WDPCP: variants seen among roughly 807,000 people sequenced by gnomAD.
The protein encoded by WDPCP is WD repeat containing planar cell polarity effector.
WDPCP carries 71 observed loss-of-function variants against 93.1 expected under a neutral mutation model. The ratio of observed to expected loss-of-function variants is 0.76; its 90% CI spans 0.63 to 0.93. The LOEUF (loss-of-function observed/expected upper bound fraction) is 0.93, where lower values mean the gene tolerates loss of function less well. Ranked by LOEUF, WDPCP falls within the 40% of genes least tolerant of loss-of-function variation. WDPCP has a pLI of 0.00. For missense variants in WDPCP, 844 were observed against 887.4 expected, an observed-to-expected ratio of 0.95 and a Z score of 0.62; for synonymous variants, 315 against 315.0, an observed-to-expected ratio of 1.00 and a Z score of 0.00.
intron 1 of WDPCP, among the ~76,000 whole-genome samples, chr2:63,547,816 G>A (rs1705268143): frequency 6.6e-6 from 1 of 151,802 alleles, no homozygotes; most frequent in South Asian, 2.1e-4. Context: ...CTGGGAAGGT[G>A]GGGTGGGGGA....
intron 6 of WDPCP, chr2:63,442,486 G>A (rs898322161): frequency 9.2e-5 from 14 of 152,006 alleles, no homozygotes; most frequent in Non-Finnish European, 1.8e-4. Context: ...CCTCCATGAC[G>A]TTCATCCCTT....
chr2:63,311,603 A>G (rs1444398060), intron 13 of WDPCP, among the ~76,000 whole-genome samples: 2 of 152,180 alleles, frequency 1.3e-5, no homozygotes, highest in African/African-American at 4.8e-5. Flanking sequence ...CCCTTATTTT[A>G]GATTTTCATC....
intron 2 of WDPCP, among the ~76,000 whole-genome samples, chr2:63,708,562 C>T (rs1160548750): frequency 2.6e-5 from 4 of 152,146 alleles, no homozygotes; most frequent in African/African-American, 9.7e-5. Flanking sequence ...ATTCCCTCAC[C>T]CCTTGCGCTT....
At chr2:63,827,328 T>C (rs565495958) in intron 1 of WDPCP, among the ~76,000 whole-genome samples, 2 of 152,276 alleles carry the variant, frequency 1.3e-5, no homozygotes, top group East Asian at 3.9e-4. Flanking sequence ...CTTTTCTCTT[T>C]GTTTTTCTTA....
chr2:63,248,336 C>A (rs1332541575), intron 14 of WDPCP, among the ~76,000 whole-genome samples: 1 of 152,096 alleles, frequency 6.6e-6, no homozygotes, highest in African/African-American at 2.4e-5. Flanking sequence ...ATTGAGAATC[C>A]CTTGTATATG....
Position 63,281,097 on chromosome 2 carries a change from T to C in WDPCP, c.1813-21688A>G, listed in dbSNP as rs377502897. 8.6e-5 allele frequency among the ~76,000 whole-genome samples: 13 copies of C among 151,688 alleles called. No individual in the cohort carries two copies. The East Asian group carries it at 1.2e-3, about 14-fold the overall frequency. On this transcript the variant is annotated intron_variant, in intron 13 of 17. Transcript: ENST00000272321. ...ATCTATACATCTAACGAAGGACTAA[T>C]ATCCAGAATCTACAAAGAACTCAAA...
chr2:63,642,559 G>A (rs1281592810), intron 3 of WDPCP: 2 of 150,778 alleles, frequency 1.3e-5, no homozygotes, highest in Non-Finnish European at 3.0e-5. Flanking sequence ...TTTATTTGTG[G>A]CTATTGTAAA....
intron 12 of WDPCP, among the ~76,000 whole-genome samples, chr2:63,375,028 A>G (rs576176255): frequency 1.3e-5 from 2 of 152,232 alleles, no homozygotes; most frequent in South Asian, 2.1e-4. Context: ...CCACAATCAC[A>G]TAACACTATT....
chr2:63,778,146 C>G (rs182779357), intron 2 of WDPCP, among the ~76,000 whole-genome samples: 1 of 152,136 alleles, frequency 6.6e-6, no homozygotes, highest in East Asian at 1.9e-4. Flanking sequence ...CTTCATGTCT[C>G]TGAGTCTTTA....
intron 14 of WDPCP, among the ~76,000 whole-genome samples, chr2:63,257,200 A>C (rs547252573): frequency 3.3e-4 from 50 of 152,298 alleles, no homozygotes; most frequent in African/African-American, 1.2e-3. Flanking sequence ...TTTCCCATGT[A>C]AATGGAACTA....
At chr2:63,134,502 G>A (rs1463922364) in intron 17 of WDPCP, among the ~76,000 whole-genome samples, 1 of 152,062 alleles carries the variant, frequency 6.6e-6, no homozygotes, top group Non-Finnish European at 1.5e-5. Flanking sequence ...ACACATACAT[G>A]TACACATATT....
intron 10 of WDPCP, among the ~76,000 whole-genome samples, chr2:63,387,784 T>C (rs1471971480): frequency 6.6e-6 from 1 of 152,082 alleles, no homozygotes; most frequent in African/African-American, 2.4e-5. Context: ...AGTTTCACGA[T>C]ACAAAACTAA....
At position 63,337,550 on chromosome 2, in the gene WDPCP, G is replaced by A. The variant is rs189820618; in HGVS notation, c.1749-24239C>T. 1.9e-3 allele frequency among the ~76,000 whole-genome samples: 293 copies of A among 152,230 alleles called. 1 individual carries two copies. Among genetic ancestry groups the A allele is most frequent in the African/African-American group, 5.6e-3 (233 of 41,540 alleles). On this transcript the variant is annotated intron_variant, in intron 12 of 17. Coordinates refer to ENST00000272321, the MANE Select transcript of WDPCP (RefSeq NM_015910.7). Reference sequence around the variant, plus strand: ...AGTAAAATGGCTGAATTATATAGTAGTTCTGGTTTTAGTTTTTCGAGGAAC... The same window carrying A: ...AGTAAAATGGCTGAATTATATAGTAATTCTGGTTTTAGTTTTTCGAGGAAC...
At chr2:63,472,675 G>A (rs759662537) in intron 6 of WDPCP, among the ~76,000 whole-genome samples, 8 of 151,640 alleles carry the variant, frequency 5.3e-5, no homozygotes, top group Non-Finnish European at 1.2e-4. Flanking sequence ...TGCAACCTTC[G>A]CCTCCTCCCG....
chr2:63,541,801 C>A (rs1006228505), intron 1 of WDPCP, among the ~76,000 whole-genome samples: 4 of 152,140 alleles, frequency 2.6e-5, no homozygotes, highest in Admixed American at 2.6e-4. Context: ...CATTTTCAGT[C>A]AGCATGTAAG....
intron 14 of WDPCP, among the ~76,000 whole-genome samples, chr2:63,194,763 G>T (rs1412255368): frequency 1.3e-5 from 2 of 152,054 alleles, no homozygotes; most frequent in African/African-American, 4.8e-5. Flanking sequence ...TATTATCAAA[G>T]CATATCACAG....
chr2:63,745,357 C>T (rs140119276), intron 2 of WDPCP, among the ~76,000 whole-genome samples: 3 of 152,318 alleles, frequency 2.0e-5, no homozygotes, highest in South Asian at 2.1e-4. Flanking sequence ...ATGGTTAAAA[C>T]TATTCCACTG....
At chr2:63,331,045 G>T (rs767215190) in intron 12 of WDPCP, among the ~76,000 whole-genome samples, 1 of 151,954 alleles carries the variant, frequency 6.6e-6, no homozygotes, top group Admixed American at 6.6e-5. Context: ...CGTATTTTTA[G>T]TAGAGGCAGG....
intron 2 of WDPCP, among the ~76,000 whole-genome samples, chr2:63,716,645 G>A (rs1255877914): frequency 6.6e-6 from 1 of 152,158 alleles, no homozygotes; most frequent in Non-Finnish European, 1.5e-5. Context: ...AAGAGGTTGG[G>A]GTGTGCAGTG....
Sources: allele counts gnomAD v4.1 joint callset (sites outside exome capture counted in the v4.1 genomes callset), GRCh38; gene constraint gnomAD v4.1.1; transcripts MANE v1.5; gene names NCBI Gene and HGNC (gene_info 2026-07-23, HGNC 2026-07-21).